Variants in SGMS1 observed in about 807,000 individuals in gnomAD.
The protein encoded by SGMS1 is sphingomyelin synthase 1.
In SGMS1, 13 loss-of-function variants were observed where a neutral mutation model predicts 46.2. The observed-to-expected ratio is 0.28, with a 90% confidence interval of 0.18 to 0.45. SGMS1 has a LOEUF of 0.45. SGMS1 is among the 20% of genes least tolerant of loss of function. The pLI is 1.00. For missense variants in SGMS1, 324 were observed against 519.9 expected (o/e 0.62, Z 3.66); for synonymous variants, 203 against 187.8 (o/e 1.08, Z -0.66).
At chr10:50,386,519 A>G (rs966845517) in intron 6 of SGMS1, among the ~76,000 whole-genome samples, 16 of 152,144 alleles carry the variant, frequency 1.1e-4, no homozygotes, top group African/African-American at 3.9e-4. Flanking sequence ...ATGTCCTCTC[A>G]ATGCCTAAGT....
At chr10:50,531,872 TAA>T (rs906031046) in intron 2 of SGMS1, among the ~76,000 whole-genome samples, 1 of 152,184 alleles carries the variant, frequency 6.6e-6, no homozygotes, top group Non-Finnish European at 1.5e-5. Flanking sequence ...ATCTTACAGA[TAA>T]AGAGACTTAC....
intron 1 of SGMS1, among the ~76,000 whole-genome samples, chr10:50,601,450 A>G (rs1178951984): frequency 1.3e-5 from 2 of 152,260 alleles, no homozygotes; most frequent in Non-Finnish European, 2.9e-5. Flanking sequence ...ATTTCCATAG[A>G]CAAGAGGACC....
intron 4 of SGMS1, among the ~76,000 whole-genome samples, chr10:50,463,419 C>T (rs1483773739): frequency 6.6e-6 from 1 of 152,194 alleles, no homozygotes; most frequent in African/African-American, 2.4e-5. Flanking sequence ...TGAAAAGATG[C>T]TTAACATCCC....
intron 1 of SGMS1, among the ~76,000 whole-genome samples, chr10:50,615,586 G>A (rs1248962311): frequency 1.3e-5 from 2 of 152,146 alleles, no homozygotes; most frequent in Non-Finnish European, 2.9e-5. Context: ...TGTACTATAA[G>A]ACAGAGAGCT....
intron 2 of SGMS1, among the ~76,000 whole-genome samples, chr10:50,537,337 G>A (rs568323448): frequency 6.6e-6 from 1 of 151,936 alleles, no homozygotes; most frequent in Admixed American, 6.6e-5. Context: ...CACCTGGGAT[G>A]GTGTCAGAGA....
At chr10:50,482,126 A>G (rs1214497151) in intron 3 of SGMS1, among the ~76,000 whole-genome samples, 1 of 152,222 alleles carries the variant, frequency 6.6e-6, no homozygotes, top group Non-Finnish European at 1.5e-5. Flanking sequence ...AACTCCCCCA[A>G]CCTAGCAAGA....
chr10:50,562,752 T>C (rs111745526), intron 2 of SGMS1, among the ~76,000 whole-genome samples: 1 of 152,096 alleles, frequency 6.6e-6, no homozygotes, highest in African/African-American at 2.4e-5. Flanking sequence ...CACCATGTTA[T>C]CCAGGATGGT....
At chr10:50,470,165 G>A (rs1440450463) in intron 3 of SGMS1, among the ~76,000 whole-genome samples, 1 of 152,120 alleles carries the variant, frequency 6.6e-6, no homozygotes, top group Admixed American at 6.6e-5. Context: ...ATTCTCAGGG[G>A]AAAGATGGTG....
intron 2 of SGMS1, among the ~76,000 whole-genome samples, chr10:50,578,205 T>C (rs1158386947): frequency 6.6e-6 from 1 of 152,248 alleles, no homozygotes; most frequent in Non-Finnish European, 1.5e-5. Flanking sequence ...GCTTGAATGC[T>C]TTGTGGAAGC....
chr10:50,443,814 A>G (rs954882361), intron 5 of SGMS1, among the ~76,000 whole-genome samples: 4 of 152,122 alleles, frequency 2.6e-5, no homozygotes, highest in Admixed American at 6.5e-5. Context: ...ATTGTATTAT[A>G]TAGTTTGTGA....
intron 8 of SGMS1, among the ~76,000 whole-genome samples, chr10:50,313,169 G>A (rs1847284973): frequency 6.6e-6 from 1 of 152,304 alleles, no homozygotes; most frequent in Middle Eastern, 3.4e-3. Context: ...GAAGGACAAA[G>A]AACTGCACAG....
intron 5 of SGMS1, among the ~76,000 whole-genome samples, chr10:50,455,156 G>T (rs1837175725): frequency 6.6e-6 from 1 of 152,082 alleles, no homozygotes; most frequent in South Asian, 2.1e-4. Context: ...AGAATGAATG[G>T]CTATACCCAG....
chr10:50,309,901 T>A (rs1049793498), intron 9 of SGMS1, among the ~76,000 whole-genome samples: 2 of 152,166 alleles, frequency 1.3e-5, no homozygotes, highest in Non-Finnish European at 2.9e-5. Context: ...CTTCTCTCCA[T>A]CCCTGATGCC....
At chr10:50,314,711 C>T (rs1286982972) in intron 8 of SGMS1, among the ~76,000 whole-genome samples, 1 of 152,080 alleles carries the variant, frequency 6.6e-6, no homozygotes, top group African/African-American at 2.4e-5. Flanking sequence ...TCGCTTGAAG[C>T]CAGGAGTTTG....
intron 7 of SGMS1, chr10:50,335,404 C>T (rs551855844): frequency 1.7e-4 from 26 of 152,344 alleles, no homozygotes; most frequent in African/African-American, 6.0e-4. Flanking sequence ...GTGCTTTATG[C>T]ATATCATCTC....
chr10:50,620,531 T>C (rs1838839924), intron 1 of SGMS1, among the ~76,000 whole-genome samples: 3 of 152,194 alleles, frequency 2.0e-5, no homozygotes, highest in Admixed American at 6.5e-5. Context: ...AAAATCACCA[T>C]TGATCAAATT....
intron 6 of SGMS1, among the ~76,000 whole-genome samples, chr10:50,429,601 A>T (rs1319476247): frequency 6.6e-6 from 1 of 152,136 alleles, no homozygotes; most frequent in Non-Finnish European, 1.5e-5. Context: ...TTTAATTATA[A>T]AGAATTTGTT....
At chr10:50,465,318 G>A (rs945696395) in intron 4 of SGMS1, among the ~76,000 whole-genome samples, 1 of 152,048 alleles carries the variant, frequency 6.6e-6, no homozygotes, top group Non-Finnish European at 1.5e-5. Flanking sequence ...ACTCATTTGG[G>A]AAGAGCCTTT....
intron 2 of SGMS1, among the ~76,000 whole-genome samples, chr10:50,575,083 C>G (rs759471734): frequency 1.1e-4 from 16 of 150,400 alleles, no homozygotes; most frequent in Non-Finnish European, 2.1e-4. Context: ...AAGTCAGTCA[C>G]AGAAGGACAA....
Sources: allele counts gnomAD v4.1 joint callset (sites outside exome capture counted in the v4.1 genomes callset), GRCh38; gene constraint gnomAD v4.1.1; transcripts MANE v1.5; gene names NCBI Gene and HGNC (gene_info 2026-07-23, HGNC 2026-07-21).